Variants in NCAM2 observed in about 807,000 individuals in gnomAD.
NCAM2 encodes N-CAM-2.
A neutral mutation model predicts 98.1 loss-of-function variants in NCAM2; 30 were observed. The ratio of observed to expected loss-of-function variants is 0.31; its 90% CI spans 0.23 to 0.41. NCAM2 has a LOEUF of 0.41. NCAM2 is among the 10% of genes least tolerant of loss of function. NCAM2 has a pLI of 1.00. For missense variants in NCAM2, 867 were observed against 1,005.8 expected, an observed-to-expected ratio of 0.86 and a Z score of 1.87; for synonymous variants, 368 against 342.4, an observed-to-expected ratio of 1.07 and a Z score of -0.83.
chr21:21,267,059 T>G (rs887674478), intron 1 of NCAM2, among the ~76,000 whole-genome samples: 1 of 152,126 alleles, frequency 6.6e-6, no homozygotes, highest in Non-Finnish European at 1.5e-5. Context: ...CAAGGAGATA[T>G]CTGATGTGTA....
At chr21:21,444,758 A>G (rs569941151) in intron 12 of NCAM2, among the ~76,000 whole-genome samples, 18 of 151,834 alleles carry the variant, frequency 1.2e-4, no homozygotes, top group African/African-American at 4.1e-4. Flanking sequence ...TGGTCTATCT[A>G]TTTTGTTAAT....
At chr21:21,305,911 A>G (rs1365106318) in intron 5 of NCAM2, among the ~76,000 whole-genome samples, 5 of 152,228 alleles carry the variant, frequency 3.3e-5, no homozygotes, top group African/African-American at 9.6e-5. Context: ...GTCTACTTCA[A>G]CTTTATTTCA....
intron 1 of NCAM2, among the ~76,000 whole-genome samples, chr21:21,026,424 C>T (rs934637679): frequency 1.1e-4 from 16 of 152,028 alleles, no homozygotes; most frequent in South Asian, 4.2e-4. Flanking sequence ...TTTGGGAGGC[C>T]GAGGCGGGTG....
chr21:21,352,363 C>T (rs978835716), intron 8 of NCAM2, among the ~76,000 whole-genome samples: 18 of 152,048 alleles, frequency 1.2e-4, no homozygotes, highest in African/African-American at 4.1e-4. Flanking sequence ...CTCAAGCAGT[C>T]CACCTGCCTC....
intron 6 of NCAM2, among the ~76,000 whole-genome samples, chr21:21,334,517 A>G (rs750903647): frequency 2.0e-5 from 3 of 152,098 alleles, no homozygotes; most frequent in Non-Finnish European, 2.9e-5. Flanking sequence ...TTACAATTGT[A>G]TGGACAAGCA....
chr21:21,041,295 A>G (rs2064899537), intron 1 of NCAM2, among the ~76,000 whole-genome samples: 2 of 152,322 alleles, frequency 1.3e-5, no homozygotes, highest in African/African-American at 4.8e-5. Flanking sequence ...CGGTGTTGAC[A>G]ACAATAAAAA....
At chr21:21,469,700 G>C (rs1337394586) in intron 14 of NCAM2, among the ~76,000 whole-genome samples, 1 of 151,438 alleles carries the variant, frequency 6.6e-6, no homozygotes, top group Non-Finnish European at 1.5e-5. Context: ...GCTTCTAAAT[G>C]GAAAGATCTA....
At chr21:21,020,282 C>T (rs920380238) in intron 1 of NCAM2, among the ~76,000 whole-genome samples, 32 of 152,060 alleles carry the variant, frequency 2.1e-4, no homozygotes, top group East Asian at 1.9e-4. Flanking sequence ...GTAATCCGCC[C>T]GCCTCGGCCT....
At chr21:21,133,520 A>G (rs2066978577) in intron 1 of NCAM2, among the ~76,000 whole-genome samples, 1 of 152,196 alleles carries the variant, frequency 6.6e-6, no homozygotes, top group Non-Finnish European at 1.5e-5. Flanking sequence ...CCAAATGGGA[A>G]AAGACCTGTA....
At chr21:21,311,050 AG>A (rs1468207449) in intron 5 of NCAM2, among the ~76,000 whole-genome samples, 1 of 152,212 alleles carries the variant, frequency 6.6e-6, no homozygotes, top group African/African-American at 2.4e-5. Context: ...CTTTTACAAA[AG>A]GTTCTAGAAA....
intron 5 of NCAM2, among the ~76,000 whole-genome samples, chr21:21,314,430 G>A (rs1568923306): frequency 6.6e-6 from 1 of 152,006 alleles, no homozygotes; most frequent in Admixed American, 6.6e-5. Context: ...TTGGTTTTTA[G>A]AAGTTTGATT....
At chr21:21,325,201 A>T (rs575176399) in intron 6 of NCAM2, among the ~76,000 whole-genome samples, 8 of 152,316 alleles carry the variant, frequency 5.3e-5, no homozygotes, top group Non-Finnish European at 1.0e-4. Context: ...GTTGCTACAG[A>T]AGCATTAGCT....
At chr21:20,999,974 T>A (rs1185728378) in intron 1 of NCAM2, among the ~76,000 whole-genome samples, 1 of 152,226 alleles carries the variant, frequency 6.6e-6, no homozygotes, top group Non-Finnish European at 1.5e-5. Context: ...ATGTTGGATA[T>A]TCCTATAGTT....
intron 1 of NCAM2, among the ~76,000 whole-genome samples, chr21:20,999,300 C>T (rs1399753278): frequency 6.6e-6 from 1 of 151,724 alleles, no homozygotes; most frequent in Non-Finnish European, 1.5e-5. Flanking sequence ...TGTAATTACA[C>T]CTGTAGAGGA....
chr21:21,187,872 G>C (rs1428227552), intron 1 of NCAM2, among the ~76,000 whole-genome samples: 1 of 152,172 alleles, frequency 6.6e-6, no homozygotes, highest in Non-Finnish European at 1.5e-5. Context: ...CAGCTAAATA[G>C]TGTGTCTGAA....
intron 13 of NCAM2, among the ~76,000 whole-genome samples, chr21:21,467,428 T>TATA (rs1555902035): frequency 1.4e-5 from 2 of 140,734 alleles, no homozygotes; most frequent in Non-Finnish European, 3.0e-5. Flanking sequence ...ATATATCTTT[T>TATA]TATATATATA....
At chr21:21,153,662 G>A (rs756168717) in intron 1 of NCAM2, among the ~76,000 whole-genome samples, 107 of 151,914 alleles carry the variant, frequency 7.0e-4, no homozygotes, top group Non-Finnish European at 1.4e-3. Context: ...GGTACCGTGC[G>A]AACAATGGAA....
At chr21:21,346,208 CA>C (rs57663409) in intron 8 of NCAM2, among the ~76,000 whole-genome samples, 9,094 of 112,444 alleles carry the variant, frequency 0.081, 431 homozygotes, top group East Asian at 0.31. Context: ...CAACTGAAAC[CA>C]AAAAAAAAAA....
chr21:21,343,740 A>G (rs927834745), intron 8 of NCAM2, among the ~76,000 whole-genome samples: 2 of 152,180 alleles, frequency 1.3e-5, no homozygotes, highest in Admixed American at 6.5e-5. Flanking sequence ...AGTGCCTGCA[A>G]ACCTCACCAG....
Sources: gnomAD v4.1 joint callset for allele counts (sites outside exome capture counted in the v4.1 genomes callset) on GRCh38, gnomAD v4.1.1 for gene constraint, MANE v1.5 for transcripts, NCBI Gene and HGNC (gene_info 2026-07-23, HGNC 2026-07-21) for gene names.